The following CSMD3 variants were observed in gnomAD, a reference collection of about 807,000 sequenced individuals.
The protein encoded by CSMD3 is CUB and sushi domain-containing protein 3.
In CSMD3, 177 loss-of-function variants were observed where a neutral mutation model predicts 435.2. That is an observed-to-expected ratio of 0.41 (90% CI 0.36 to 0.46). The LOEUF (loss-of-function observed/expected upper bound fraction) is 0.46, where lower values mean the gene tolerates loss of function less well. Ranked by LOEUF, CSMD3 falls within the 20% of genes least tolerant of loss-of-function variation. CSMD3 has a pLI of 0.34. For synonymous variants in CSMD3, 1,656 were observed against 1,520.5 expected, an observed-to-expected ratio of 1.09 and a Z score of -2.07; for missense variants, 4,265 against 4,504.6, an observed-to-expected ratio of 0.95 and a Z score of 1.52.
intron 32 of CSMD3, among the ~76,000 whole-genome samples, chr8:112,462,293 A>G (rs370030166): frequency 1.3e-5 from 2 of 152,358 alleles, no homozygotes; most frequent in East Asian, 3.9e-4. Context: ...GGTAAAATGA[A>G]GCAAAAACTA....
intron 50 of CSMD3, 107 bp from the exon 51 acceptor site, chr8:112,306,299 C>A (rs1821417136): frequency 2.5e-6 from 2 of 797,590 alleles, no homozygotes; most frequent in South Asian, 1.5e-5. Context: ...GGATTTTTAT[C>A]AATTCCTCTG....
chr8:113,365,396 T>G (rs2094304732), intron 1 of CSMD3, among the ~76,000 whole-genome samples: 1 of 152,048 alleles, frequency 6.6e-6, no homozygotes, highest in Non-Finnish European at 1.5e-5. Flanking sequence ...TACAATAAGT[T>G]GAATTTGCAA....
At chr8:112,861,751 T>C (rs1233760724) in intron 10 of CSMD3, among the ~76,000 whole-genome samples, 2 of 151,938 alleles carry the variant, frequency 1.3e-5, no homozygotes, top group South Asian at 2.1e-4. Flanking sequence ...TTTATAGAAA[T>C]GAGAAATTTA....
intron 66 of CSMD3, among the ~76,000 whole-genome samples, chr8:112,237,943 T>C (rs961157256): frequency 2.0e-5 from 3 of 152,038 alleles, no homozygotes; most frequent in African/African-American, 7.2e-5. Flanking sequence ...GTCACTAGTA[T>C]TGTTGGACTC....
chr8:112,434,719 G>A (rs1044387969), intron 32 of CSMD3, among the ~76,000 whole-genome samples: 1 of 152,000 alleles, frequency 6.6e-6, no homozygotes, highest in Admixed American at 6.6e-5. Context: ...CCATCAATGT[G>A]TTCACAAGGA....
At chr8:112,735,866 A>C (rs988670044) in intron 13 of CSMD3, among the ~76,000 whole-genome samples, 1 of 151,960 alleles carries the variant, frequency 6.6e-6, no homozygotes, top group African/African-American at 2.4e-5. Context: ...TTAGATGGGA[A>C]TTATTTGTGG....
intron 4 of CSMD3, among the ~76,000 whole-genome samples, chr8:113,126,877 T>A (rs2091147875): frequency 6.6e-6 from 1 of 151,920 alleles, no homozygotes; most frequent in South Asian, 2.1e-4. Flanking sequence ...ACCATCAGCC[T>A]AAGTCAATCC....
At chr8:112,900,985 T>A (rs1351415048) in intron 10 of CSMD3, among the ~76,000 whole-genome samples, 1 of 151,238 alleles carries the variant, frequency 6.6e-6, no homozygotes, top group Non-Finnish European at 1.5e-5. Flanking sequence ...TGGCAGTCAG[T>A]CTCAGGTGCA....
At chr8:113,255,949 C>T (rs1191125572) in intron 3 of CSMD3, among the ~76,000 whole-genome samples, 3 of 151,864 alleles carry the variant, frequency 2.0e-5, no homozygotes, top group African/African-American at 7.2e-5. Flanking sequence ...TATACATAGA[C>T]TGTGTCATTA....
chr8:113,048,214 T>C (rs1484609091), intron 5 of CSMD3, among the ~76,000 whole-genome samples: 6 of 151,280 alleles, frequency 4.0e-5, no homozygotes, highest in African/African-American at 1.2e-4. Context: ...TGCCTCAGCT[T>C]TCGGAGTAGC....
chr8:112,366,609 G>A lies in CSMD3; in HGVS notation c.6136+13743C>T, dbSNP rs549583017. ...GATAGGGTTTCACCATGTTGGCCAG[G>A]TTCGTCTCAACCTCCTGACCTCAGG... On this transcript the variant is annotated intron_variant, in intron 38 of 70. Transcript: ENST00000297405. Among the ~76,000 whole-genome samples, 5 of 152,236 alleles carry A rather than the reference G, an allele frequency of 3.3e-5. No individual in the cohort carries two copies. The South Asian group carries it at 6.2e-4, about 19-fold the overall frequency.
chr8:112,652,983 A>C (rs1359892214), intron 18 of CSMD3, among the ~76,000 whole-genome samples: 2 of 151,938 alleles, frequency 1.3e-5, no homozygotes, highest in African/African-American at 2.4e-5. Context: ...CTCCTGGCTA[A>C]ATTTTGTATT....
chr8:112,429,507 T>C (rs561516466), intron 32 of CSMD3, among the ~76,000 whole-genome samples: 1 of 151,996 alleles, frequency 6.6e-6, no homozygotes, highest in South Asian at 2.1e-4. Context: ...TATCAAAACA[T>C]AGACATATGA....
intron 13 of CSMD3, among the ~76,000 whole-genome samples, chr8:112,691,927 G>A (rs2076145608): frequency 6.6e-6 from 1 of 151,686 alleles, no homozygotes; most frequent in African/African-American, 2.4e-5. Context: ...CAGCCTCCTG[G>A]GTAGCTCGGA....
At chr8:112,296,508 C>T (rs1820291289) in intron 53 of CSMD3, among the ~76,000 whole-genome samples, 1 of 151,258 alleles carries the variant, frequency 6.6e-6, no homozygotes, top group African/African-American at 2.4e-5. Context: ...GCAGATCGCG[C>T]CACCGCACTC....
At chr8:112,239,830 G>A (rs1345040747) in intron 66 of CSMD3, among the ~76,000 whole-genome samples, 1 of 151,880 alleles carries the variant, frequency 6.6e-6, no homozygotes, top group Non-Finnish European at 1.5e-5. Context: ...TGAAAAGAAC[G>A]ACATTTGGTT....
At chr8:113,152,702 G>C (rs536578122) in intron 4 of CSMD3, among the ~76,000 whole-genome samples, 1 of 152,120 alleles carries the variant, frequency 6.6e-6, no homozygotes, top group Non-Finnish European at 1.5e-5. Context: ...ACTTTTGGCT[G>C]TGTGCAGTGG....
At chr8:112,730,697 C>A (rs2077055876) in intron 13 of CSMD3, among the ~76,000 whole-genome samples, 1 of 152,108 alleles carries the variant, frequency 6.6e-6, no homozygotes, top group Non-Finnish European at 1.5e-5. Context: ...CCCCTTCAAC[C>A]TGACTGTGTA....
At chr8:112,656,389 A>G (rs2075258349) in intron 17 of CSMD3, 48 bp from the exon 18 acceptor site, 2 of 1,412,686 alleles carry the variant, frequency 1.4e-6, no homozygotes, top group South Asian at 2.4e-5. Context: ...TTAACACTAT[A>G]TATGGAAATA....
Sources: allele counts gnomAD v4.1 joint callset (sites outside exome capture counted in the v4.1 genomes callset), GRCh38; gene constraint gnomAD v4.1.1; transcripts MANE v1.5; gene names NCBI Gene and HGNC (gene_info 2026-07-23, HGNC 2026-07-21).